The following ROBO2 variants were observed in gnomAD, a reference collection of about 807,000 sequenced individuals.
ROBO2 encodes roundabout guidance receptor 2.
Under a neutral mutation model 160.8 loss-of-function variants are expected in ROBO2, and 53 were observed. The ratio of observed to expected loss-of-function variants is 0.33; its 90% confidence interval spans 0.26 to 0.41. The LOEUF (loss-of-function observed/expected upper bound fraction) is 0.41, where lower values mean the gene tolerates loss of function less well. Ranked by LOEUF, ROBO2 falls within the 10% of genes least tolerant of loss-of-function variation. The pLI is 1.00. For synonymous variants in ROBO2, 664 were observed against 611.7 expected (o/e 1.09, Z -1.26); for missense variants, 1,577 against 1,722.4 (o/e 0.92, Z 1.49).
At chr3:76,219,920 A>T (rs1363837692) in intron 2 of ROBO2, among the ~76,000 whole-genome samples, 2 of 151,984 alleles carry the variant, frequency 1.3e-5, no homozygotes, top group African/African-American at 4.8e-5. Flanking sequence ...AAGACTTGGA[A>T]CCAACCCAAA....
chr3:77,546,334 A>T lies in ROBO2; in HGVS notation c.935-4A>T. On this transcript the variant is annotated splice_polypyrimidine_tract_variant and splice_region_variant and intron_variant, in intron 6 of 25. Transcript: ENST00000461745. ...TACACGCTTTCTTTTCTTTTAAATT[A>T]TAGCTCCCCCACAGTTTGTGGTTCG... 1 of 1,612,986 alleles carries T rather than the reference A, an allele frequency of 6.2e-7. No homozygotes were observed.
intron 2 of ROBO2, among the ~76,000 whole-genome samples, chr3:76,418,276 G>A (rs2075839059): frequency 6.6e-6 from 1 of 151,244 alleles, no homozygotes; most frequent in Admixed American, 6.6e-5. Context: ...ATGGAGTCTT[G>A]TTCTGCCGCC....
intron 2 of ROBO2, among the ~76,000 whole-genome samples, chr3:76,690,350 G>T (rs1167576097): frequency 6.6e-6 from 1 of 152,004 alleles, no homozygotes; most frequent in Admixed American, 6.6e-5. Flanking sequence ...TGGAAGAGGT[G>T]CATGAATCAT....
In ROBO2 at chr3:75,971,583, A is replaced by G. The variant is rs181460373; in HGVS notation, c.109+33981A>G. ...CTGCATAACTTTGAAATTTTGTGGT[A>G]GCATATAATTTTTTAACCATCTAGA... On this transcript the variant is annotated intron_variant, in intron 2 of 26. Coordinates refer to the ROBO2 transcript ENST00000487694. 6.5e-3 allele frequency among the ~76,000 whole-genome samples: 992 copies of G among 151,670 alleles called. 10 individuals carry two copies. Among genetic ancestry groups the G allele is most frequent in the Non-Finnish European group, 0.011 (719 of 67,674 alleles).
intron 2 of ROBO2, among the ~76,000 whole-genome samples, chr3:77,428,366 T>TTTTTTG (rs1310748681): frequency 9.2e-6 from 1 of 109,282 alleles, no homozygotes; most frequent in Non-Finnish European, 2.0e-5. Flanking sequence ...TTTTTTTTTT[T>TTTTTTG]GAGACGGAGT....
chr3:76,078,413 T>G (rs1318732097), intron 2 of ROBO2, among the ~76,000 whole-genome samples: 1 of 152,210 alleles, frequency 6.6e-6, no homozygotes, highest in Admixed American at 6.5e-5. Context: ...ATCCCCAGGC[T>G]GGAGTGCAAT....
rs115236948 is a variant in ROBO2, at chr3:77,532,986, A to G, written c.934+10084A>G. Among the ~76,000 whole-genome samples, 315 of 152,230 alleles carry G rather than the reference A, an allele frequency of 2.1e-3. 4 individuals carry two copies. The highest frequency in any genetic ancestry group is 6.9e-3 in the African/African-American group (288 of 41,568). On this transcript the variant is annotated intron_variant, in intron 6 of 25. Coordinates refer to ENST00000461745, the Ensembl canonical transcript of ROBO2. The stretch of plus-strand genomic sequence containing the variant: ...AATTAAATAAGTAATTGGTTAATAT[A>G]CAGGTTTTTGTTAAATTTCGTTTTG...
chr3:76,997,895 G>T (rs578162660), intron 2 of ROBO2, among the ~76,000 whole-genome samples: 3 of 152,240 alleles, frequency 2.0e-5, no homozygotes, highest in African/African-American at 7.2e-5. Flanking sequence ...CAGAGGGAGG[G>T]CTTAGCTCAG....
intron 2 of ROBO2, among the ~76,000 whole-genome samples, chr3:77,003,112 AG>A (rs1301966552): frequency 6.6e-6 from 1 of 152,202 alleles, no homozygotes; most frequent in Non-Finnish European, 1.5e-5. Flanking sequence ...TTGTGAATAT[AG>A]TCAATGCATA....
At chr3:77,481,155 T>C (rs2153588789) in exon 4 of ROBO2, 1 of 1,611,410 alleles carries the variant, frequency 6.2e-7, no homozygotes, top group Non-Finnish European at 8.5e-7. Context: ...CAGGGATGTA[T>C]ACTTGTGTTG....
At chr3:76,120,284 G>A (rs56126729) in intron 2 of ROBO2, among the ~76,000 whole-genome samples, 3,242 of 152,180 alleles carry the variant, frequency 0.021, 56 homozygotes, top group Non-Finnish European at 0.032. Flanking sequence ...TTACAGGCGT[G>A]AGCCACCACG....
intron 1 of ROBO2, among the ~76,000 whole-genome samples, chr3:77,075,569 A>AAGT (rs1414129006): frequency 6.6e-6 from 1 of 152,066 alleles, no homozygotes; most frequent in Non-Finnish European, 1.5e-5. Context: ...CTAACAGAAA[A>AAGT]AGTAACTTTT....
intron 2 of ROBO2, among the ~76,000 whole-genome samples, chr3:76,197,600 T>C (rs781020802): frequency 1.2e-4 from 19 of 152,162 alleles, no homozygotes; most frequent in Admixed American, 2.6e-4. Flanking sequence ...AAAATAAAAT[T>C]ATTGTTATTA....
chr3:76,457,928 C>T (rs975696952), intron 2 of ROBO2, among the ~76,000 whole-genome samples: 2 of 152,092 alleles, frequency 1.3e-5, no homozygotes, highest in African/African-American at 4.8e-5. Flanking sequence ...CTCTCAGCTG[C>T]ACACAGCACG....
intron 2 of ROBO2, among the ~76,000 whole-genome samples, chr3:76,171,623 A>G (rs1393957951): frequency 1.3e-5 from 2 of 152,056 alleles, no homozygotes; most frequent in African/African-American, 4.8e-5. Flanking sequence ...TCTCCGAGCA[A>G]TGCCCTGATG....
At chr3:76,759,181 G>C in intron 2 of ROBO2, among the ~76,000 whole-genome samples, 1 of 151,768 alleles carries the variant, frequency 6.6e-6, no homozygotes, top group Non-Finnish European at 1.5e-5. Flanking sequence ...CAGATAGATA[G>C]GCTGAGTGCT....
chr3:75,944,266 G>T (rs1450001895), intron 2 of ROBO2, among the ~76,000 whole-genome samples: 2 of 152,074 alleles, frequency 1.3e-5, no homozygotes, highest in African/African-American at 4.8e-5. Flanking sequence ...AAGTACGAGA[G>T]CCTGAACCTT....
intron 2 of ROBO2, among the ~76,000 whole-genome samples, chr3:76,939,434 T>C (rs957333214): frequency 1.3e-5 from 2 of 152,302 alleles, no homozygotes; most frequent in African/African-American, 4.8e-5. Flanking sequence ...GATTTCCTTC[T>C]TGTGAAATTT....
chr3:75,999,279 A>T (rs1253626660), intron 2 of ROBO2, among the ~76,000 whole-genome samples: 4 of 152,206 alleles, frequency 2.6e-5, no homozygotes, highest in African/African-American at 9.7e-5. Context: ...TCACAATAAC[A>T]ATTGTTACAT....
Sources: allele counts gnomAD v4.1 joint callset (sites outside exome capture counted in the v4.1 genomes callset), GRCh38; gene constraint gnomAD v4.1.1; transcripts MANE v1.5; gene names NCBI Gene and HGNC (gene_info 2026-07-23, HGNC 2026-07-21).